The following RBM23 variants were observed in gnomAD, a reference collection of about 807,000 sequenced individuals.
RBM23 encodes the protein RNA binding motif protein 23.
In RBM23, 53 loss-of-function variants were observed where a neutral mutation model predicts 56.2. The ratio of observed to expected loss-of-function variants is 0.94; its 90% confidence interval spans 0.76 to 1.19. RBM23 has a LOEUF of 1.19. RBM23 is among the 50% of genes most tolerant of loss of function. The probability of loss-of-function intolerance (pLI) is 0.00; values close to 1 mark genes in which losing one functional copy is unlikely to be tolerated. For synonymous variants in RBM23, 197 were observed against 198.5 expected, an observed-to-expected ratio of 0.99 and a Z score of 0.06; for missense variants, 642 against 590.3, an observed-to-expected ratio of 1.09 and a Z score of -0.91.
intron 1 of RBM23, chr14:22,914,101 T>C (rs1026358127): frequency 6.0e-5 from 9 of 150,286 alleles, no homozygotes; most frequent in East Asian, 2.0e-4. Flanking sequence ...CCGAGGCAGT[T>C]TGATCATAAG....
chr14:22,912,428 T>C (rs189341585), intron 1 of RBM23, among the ~76,000 whole-genome samples: 5 of 152,260 alleles, frequency 3.3e-5, no homozygotes, highest in Admixed American at 2.6e-4. Context: ...CTTGAAACCT[T>C]TCTCTCTGGC....
chr14:22,897,760 G>A lies in RBM23; in HGVS notation c.*3970C>T, dbSNP rs1454959666. ...ATGGTGGTGCTGAGAGGCAGGTAAG[G>A]TTAAGATCAAGGGATCTGAAGCGAG... On this transcript the variant is annotated 3_prime_UTR_variant, in exon 14 of 14. Coordinates refer to ENST00000359890, the MANE Select transcript of RBM23 (RefSeq NM_001077351.2). The A allele has an allele frequency of 2.0e-5, 3 of 152,202 alleles. No homozygotes were observed. Among genetic ancestry groups the A allele is most frequent in the Middle Eastern group, 3.2e-3 (1 of 316 alleles). 9.4% of individuals were successfully genotyped at this position (152,202 alleles called of 1,614,324 possible). A position where few individuals can be genotyped will look rare whatever the true frequency, so the allele number is the denominator to read the frequency against.
At position 22,895,181 on chromosome 14, in the gene RBM23, G is replaced by GT. The variant is rs1426323060; in HGVS notation, c.*6548_*6549insA. ...TCGAGACCAGCCTGACCAACATGGA[G>GT]AAACCCTGTCTCCACTAAAAATACA... On this transcript the variant is annotated 3_prime_UTR_variant, in exon 14 of 14. Transcript: ENST00000359890. 6.6e-6 allele frequency: 1 copy of GT among 151,790 alleles called. No homozygotes were observed. The highest frequency in any genetic ancestry group is 1.9e-4 in the East Asian group (1 of 5,136). 9.4% of individuals were successfully genotyped at this position (151,790 alleles called of 1,614,324 possible).
intron 1 of RBM23, among the ~76,000 whole-genome samples, chr14:22,914,247 C>T (rs886499735): frequency 6.6e-6 from 1 of 151,626 alleles, no homozygotes. Context: ...ATCGTTTGAA[C>T]CCGGGAGACA....
chr14:22,909,605 T>G lies in RBM23; in HGVS notation c.67-10A>C, dbSNP rs1204134271. 1.9e-6 allele frequency: 3 copies of G among 1,602,432 alleles called. No individual in the cohort carries two copies. In the African/African-American group the frequency reaches 4.0e-5, roughly 21 times the overall value. ...TCCTTTGTTGCTCATCCTGAGGCAT[T>G]CACCAGGAAAATGTCACAAGGTATA... is the stretch of plus-strand genomic sequence containing the variant. On this transcript the variant is annotated splice_polypyrimidine_tract_variant and intron_variant, in intron 2 of 13. Coordinates refer to ENST00000359890, the MANE Select transcript of RBM23 (RefSeq NM_001077351.2).
In RBM23 at chr14:22,901,994, G is replaced by A. The variant is rs1334729307; in HGVS notation, c.1232C>T (p.Pro411Leu). ...NGAVPLGALN[P>L]AALTALSPAL... is the part of the protein sequence containing the mutation. ...TCCAAGACTACCAGTCAGAGCTGCT[G>A]GATTCAGGGCCCCCAAGGGAACTGC... The change falls in exon 12 of 14, where the codon CCA (proline) becomes CTA (leucine). Residue 411 changes from proline to leucine, a missense_variant. Transcript: ENST00000359890. The A allele has an allele frequency of 1.9e-6, 3 of 1,611,964 alleles. No individual in the cohort carries two copies. Among genetic ancestry groups the A allele is most frequent in the South Asian group, 2.2e-5 (2 of 90,952 alleles).
intron 10 of RBM23, chr14:22,902,756 C>A: frequency 1.1e-5 from 5 of 458,218 alleles, no homozygotes; most frequent in Non-Finnish European, 1.3e-5. Flanking sequence ...AAGTTTTAGT[C>A]TTTTTTTTTT....
At chr14:22,915,140 C>T (rs1313747412) in intron 1 of RBM23, among the ~76,000 whole-genome samples, 1 of 152,118 alleles carries the variant, frequency 6.6e-6, no homozygotes, top group South Asian at 2.1e-4. Flanking sequence ...CTTACAGTAC[C>T]TACAACTGCT....
In RBM23 at chr14:22,899,501, C is replaced by T. The variant is rs1218388946; in HGVS notation, c.*2229G>A. ...GCTCAAGCGATTCTCCTGTCTCAGC[C>T]TCCTGAGTAGCTGGGATTACAGGCA... On this transcript the variant is annotated 3_prime_UTR_variant, in exon 14 of 14. Transcript: ENST00000359890. 6.6e-6 allele frequency: 1 copy of T among 152,322 alleles called. No individual in the cohort carries two copies. The highest frequency in any genetic ancestry group is 1.5e-5 in the Non-Finnish European group (1 of 68,124). 9.4% of individuals were successfully genotyped at this position (152,322 alleles called of 1,614,324 possible).
rs756419814 is a variant in RBM23, at chr14:22,906,301, G to A, written c.295C>T (p.Arg99Cys). The A allele has an allele frequency of 1.1e-5, 18 of 1,614,210 alleles. No homozygotes were observed. In the South Asian group the frequency reaches 1.2e-4, roughly 11 times the overall value. ...CGATCCCAGCTACGGCTACGGTGAC[G>A]ACACTGCCGACCTGGACTTCGGCTC... ...SRSRSPGRQC[R>C]HRSRSWDRRH... Residue 99 changes from arginine (R) to cysteine (C), a missense_variant, in exon 5 of 14, where the codon CGT (arginine) becomes TGT (cysteine). Physicochemically the swap from Arg to Cys is radical, Grantham distance 180 (BLOSUM62 -3). Coordinates refer to ENST00000359890, the MANE Select transcript of RBM23 (RefSeq NM_001077351.2).
At chr14:22,911,193 C>A (rs866534304) in intron 2 of RBM23, 135 bp downstream of exon 2, 2 of 736,650 alleles carry the variant, frequency 2.7e-6, no homozygotes, top group South Asian at 1.6e-5. Context: ...TAAGACTATG[C>A]CTTTTATGAT....
At position 22,901,974 on chromosome 14, in the gene RBM23, G is replaced by C. The variant is rs8010639; in HGVS notation, c.1246+6C>G. 8.1e-4 allele frequency: 1,302 copies of C among 1,611,024 alleles called. 10 individuals carry two copies. In the African/African-American group the frequency reaches 0.016, roughly 19 times the overall value. On this transcript the variant is annotated splice_donor_region_variant and intron_variant, in intron 12 of 13. Transcript: ENST00000359890. The stretch of plus-strand genomic sequence containing the variant: ...CCTTCCCTTCCTTTCCCATGTCCAA[G>C]ACTACCAGTCAGAGCTGCTGGATTC...
Position 22,901,524 on chromosome 14 carries a change from G to T in RBM23, c.*206C>A. On this transcript the variant is annotated 3_prime_UTR_variant, in exon 14 of 14. Transcript: ENST00000359890. ...GTGGATTCTGTTCTCTTCAACTGGT[G>T]GCTTTGCTCAGCAGAGTCCATTTCC... 1 of 665,602 alleles carries T rather than the reference G, an allele frequency of 1.5e-6. No homozygotes were observed. The highest frequency in any genetic ancestry group is 2.6e-6 in the Non-Finnish European group (1 of 383,024). 41.2% of individuals were successfully genotyped at this position (665,602 alleles called of 1,614,324 possible).
Position 22,893,561 on chromosome 14 carries a change from A to G in RBM23, c.*8169T>C, listed in dbSNP as rs991938215. ...GGAAGAAACAGTAAATTTGGAAGAC[A>G]TATTTTAGAAACTGGGCCTTAAAGG... On this transcript the variant is annotated 3_prime_UTR_variant, in exon 14 of 14. Transcript: ENST00000359890. 1.4e-4 allele frequency: 22 copies of G among 152,366 alleles called. No individual in the cohort carries two copies. Among genetic ancestry groups the G allele is most frequent in the African/African-American group, 4.6e-4 (19 of 41,596 alleles). 9.4% of individuals were successfully genotyped at this position (152,366 alleles called of 1,614,324 possible).
chr14:22,898,485 C>G lies in RBM23; in HGVS notation c.*3245G>C, dbSNP rs964268593. ...CTGGGCCCAGAGTCTGTTCACAGCCCGCTTCTCTCCACTCTAACCACCTCG... is the reference window on the plus strand; with the variant it reads ...CTGGGCCCAGAGTCTGTTCACAGCCGGCTTCTCTCCACTCTAACCACCTCG... On this transcript the variant is annotated 3_prime_UTR_variant, in exon 14 of 14. Transcript: ENST00000359890. 1 of 151,998 alleles carries G rather than the reference C, an allele frequency of 6.6e-6. No homozygotes were observed. The highest frequency in any genetic ancestry group is 2.1e-4 in the South Asian group (1 of 4,818). 9.4% of individuals were successfully genotyped at this position (151,998 alleles called of 1,614,324 possible).
intron 1 of RBM23, among the ~76,000 whole-genome samples, chr14:22,912,892 C>T (rs1022253060): frequency 1.2e-4 from 17 of 144,178 alleles, no homozygotes; most frequent in African/African-American, 3.6e-4. Flanking sequence ...CCCAGCTACT[C>T]GGGAGGCTGA....
In RBM23 at chr14:22,894,579, C is replaced by T. The variant is rs2040217827; in HGVS notation, c.*7151G>A. On this transcript the variant is annotated 3_prime_UTR_variant, in exon 14 of 14. Coordinates refer to ENST00000359890, the MANE Select transcript of RBM23 (RefSeq NM_001077351.2). Reference sequence around the variant, plus strand: ...AAAAAAATTACAAAAATTAGCCAGGCATGGTGGTGGGTGCCTGTAATTCCA... The same window carrying T: ...AAAAAAATTACAAAAATTAGCCAGGTATGGTGGTGGGTGCCTGTAATTCCA... 6.6e-6 allele frequency: 1 copy of T among 151,982 alleles called. No individual in the cohort carries two copies. Among genetic ancestry groups the T allele is most frequent in the African/African-American group, 2.4e-5 (1 of 41,360 alleles). 9.4% of individuals were successfully genotyped at this position (151,982 alleles called of 1,614,324 possible).
chr14:22,913,431 A>AT (rs755462711), intron 1 of RBM23, among the ~76,000 whole-genome samples: 5 of 147,334 alleles, frequency 3.4e-5, no homozygotes, highest in Non-Finnish European at 1.5e-5. Context: ...AAAAAAAAAA[A>AT]TTAAAAAAAA....
In RBM23 at chr14:22,902,258, G is replaced by A. The variant is rs756263495; in HGVS notation, c.1055C>T (p.Pro352Leu). 22 of 1,614,200 alleles carry A rather than the reference G, an allele frequency of 1.4e-5. No homozygotes were observed. Among genetic ancestry groups the A allele is most frequent in the Non-Finnish European group, 1.9e-5 (22 of 1,180,046 alleles). Residue 352 changes from proline (P) to leucine (L), a missense_variant, in exon 11 of 14, where the codon CCT (proline) becomes CTT (leucine). Coordinates refer to ENST00000359890, the MANE Select transcript of RBM23 (RefSeq NM_001077351.2). ...RLDGGTDITF[P>L]DGDQELDLGS... The stretch of plus-strand genomic sequence containing the variant: ...CAGATCCAGCTCCTGGTCCCCATCA[G>A]GAAAAGTGATGTCTGTGCCACCATC...
Sources: allele counts gnomAD v4.1 joint callset (sites outside exome capture counted in the v4.1 genomes callset), GRCh38; gene constraint gnomAD v4.1.1; transcripts MANE v1.5; gene names NCBI Gene and HGNC (gene_info 2026-07-23, HGNC 2026-07-21).